MAGEB10: variants seen among roughly 807,000 people sequenced by gnomAD.
MAGEB10 encodes MAGE family member B10.
For missense variants in MAGEB10, 190 were observed against 261.9 expected (o/e 0.73, Z 1.89); for synonymous variants, 99 against 101.0 (o/e 0.98, Z 0.12).
At chrX:27,820,603 T>C (rs984465599) in intron 2 of MAGEB10, among the ~76,000 whole-genome samples, 1 of 111,066 alleles carries the variant, frequency 9.0e-6, no homozygotes, top group Non-Finnish European at 1.9e-5. Flanking sequence ...CCTGAGGGAC[T>C]GTGGGGTAGA....
chrX:27,821,874 G>A lies in MAGEB10; in HGVS notation c.568G>A (p.Ala190Thr). ...LVNKLDLGCD[A>T]KLSDETGVPK... ...CAACAAACTAGATCTAGGCTGTGAT[G>A]CAAAGCTGAGTGATGAAACAGGCGT... Residue 190 changes from alanine (A) to threonine (T), a missense_variant, in exon 3 of 3, where the codon GCA becomes ACA. By Grantham distance (58) the Ala-to-Thr change is moderately conservative. Coordinates refer to ENST00000356790, the MANE Select transcript of MAGEB10 (RefSeq NM_182506.3). 8.3e-7 allele frequency: 1 copy of A among 1,211,794 alleles called. No individual in the cohort carries two copies. The highest frequency in any genetic ancestry group is 1.1e-6 in the Non-Finnish European group (1 of 895,576).
intron 2 of MAGEB10, among the ~76,000 whole-genome samples, chrX:27,820,367 C>T (rs182192126): frequency 8.1e-5 from 9 of 111,321 alleles, no homozygotes; most frequent in Admixed American, 1.9e-4. Context: ...CTCCAAAAGA[C>T]GGGCCCCATG....
chrX:27,815,219 C>G (rs954444672), intron 1 of MAGEB10, among the ~76,000 whole-genome samples: 15 of 112,346 alleles, frequency 1.3e-4, no homozygotes, highest in South Asian at 7.4e-4. Context: ...CACCCTGCTC[C>G]CTATGGGAAA....
intron 1 of MAGEB10, chrX:27,811,754 A>T (rs1254622230): frequency 8.9e-6 from 1 of 112,397 alleles, no homozygotes; most frequent in Non-Finnish European, 1.9e-5. Flanking sequence ...TCTCAAAGAA[A>T]CCTACAGAAG....
intron 1 of MAGEB10, among the ~76,000 whole-genome samples, chrX:27,813,797 A>G (rs1050391256): frequency 8.9e-6 from 1 of 112,079 alleles, no homozygotes; most frequent in African/African-American, 3.2e-5. Flanking sequence ...ACTAATGCCT[A>G]GAATGAAGAA....
At chrX:27,814,453 C>T (rs1212264576) in intron 1 of MAGEB10, among the ~76,000 whole-genome samples, 1 of 111,455 alleles carries the variant, frequency 9.0e-6, no homozygotes, top group East Asian at 2.8e-4. Flanking sequence ...AATAAGAAAT[C>T]CTCAAATTTG....
At chrX:27,813,001 G>C (rs1043146300) in intron 1 of MAGEB10, 6 of 146,490 alleles carry the variant, frequency 4.1e-5, no homozygotes, top group East Asian at 1.9e-4. Context: ...GCTGTGTCTC[G>C]TTATAACATA....
intron 1 of MAGEB10, chrX:27,811,917 C>T (rs781178829): frequency 3.6e-4 from 52 of 144,137 alleles, no homozygotes; most frequent in African/African-American, 1.3e-3. Context: ...GCCCCGTGCC[C>T]GTGAGAAACG....
rs192018016 is a variant in MAGEB10 at position 27,809,675 on chromosome X, G to A, written c.-199+1639G>A. The stretch of plus-strand genomic sequence containing the variant: ...CGACCACCCAAGGGCTGAGGACTGC[G>A]GGCGCATGGCGCGGGACTGGCAGGC... On this transcript the variant is annotated intron_variant, in intron 1 of 2. Transcript: ENST00000356790. 9.1e-4 allele frequency among the ~76,000 whole-genome samples: 79 copies of A among 86,555 alleles called. 2 individuals carry two copies. The East Asian group carries it at 0.022, about 24-fold the overall frequency. 75.2% of individuals were successfully genotyped at this position (86,555 alleles called of 115,157 possible).
At chrX:27,812,739 A>T in intron 1 of MAGEB10, 1 of 369,916 alleles carries the variant, frequency 2.7e-6, no homozygotes, top group Non-Finnish European at 5.4e-6. Context: ...CAGCAAGATG[A>T]AAGTCCTAGA....
Position 27,821,407 on chromosome X carries a change from A to G in MAGEB10, c.101A>G (p.Glu34Gly), listed in dbSNP as rs144371104. Residue 34 changes from glutamate (E) to glycine (G), a missense_variant, in exon 3 of 3, where the codon GAG becomes GGG. Coordinates refer to ENST00000356790, the MANE Select transcript of MAGEB10 (RefSeq NM_182506.3). ...ATAGATGCTCTGGACATTTTAGAAG[A>G]GGAGGAAGAATCTCCCCCCTCTGCC... ...DLIDALDILEEEEESPPSASA... is the reference protein window; with the variant it reads ...DLIDALDILEGEEESPPSASA... 1.2e-5 allele frequency: 14 copies of G among 1,209,293 alleles called. No individual in the cohort carries two copies. The African/African-American group carries it at 2.3e-4, about 20-fold the overall frequency.
chrX:27,812,565 A>G (rs1923712683), intron 1 of MAGEB10: 1 of 173,247 alleles, frequency 5.8e-6, no homozygotes, highest in Non-Finnish European at 1.1e-5. Context: ...GGTGCTAAAT[A>G]TGATGGGGGT....
At chrX:27,817,427 G>T (rs911917146) in intron 1 of MAGEB10, 127 bp from the exon 2 acceptor site, 3 of 111,174 alleles carry the variant, frequency 2.7e-5, no homozygotes, top group Non-Finnish European at 3.8e-5. Flanking sequence ...CCTGCATGTA[G>T]TATTTTTAAA....
At chrX:27,820,403 C>T (rs1923861487) in intron 2 of MAGEB10, among the ~76,000 whole-genome samples, 1 of 110,338 alleles carries the variant, frequency 9.1e-6, no homozygotes, top group African/African-American at 3.3e-5. Flanking sequence ...CAGGACAGGG[C>T]CTGATGAAGC....
At chrX:27,815,613 G>A (rs925716138) in intron 1 of MAGEB10, among the ~76,000 whole-genome samples, 4 of 112,098 alleles carry the variant, frequency 3.6e-5, no homozygotes, top group Admixed American at 9.4e-5. Flanking sequence ...TGAAAATATC[G>A]AAGCCTCTGT....
intron 2 of MAGEB10, among the ~76,000 whole-genome samples, chrX:27,819,918 G>C (rs1232162596): frequency 9.0e-6 from 1 of 111,301 alleles, no homozygotes; most frequent in Admixed American, 9.6e-5. Flanking sequence ...TAGGAGGTAA[G>C]ATAAAGACCC....
rs748454534 is a variant in MAGEB10 at position 27,822,206 on chromosome X, C to T, written c.900C>T (p.Pro300=). 24 of 1,209,970 alleles carry T rather than the reference C, an allele frequency of 2.0e-5. No homozygotes were observed. In the East Asian group the frequency reaches 5.9e-4, roughly 30 times the overall value. The change falls in exon 3 of 3, where the codon CCC becomes CCT. Residue 300 remains proline (P), a synonymous_variant. Transcript: ENST00000356790. The stretch of plus-strand genomic sequence containing the variant: ...TGGCCAAGGTAAATGATACAGCTCC[C>T]AGTGAATTCTCAAACTGGTATACAG... The part of the protein sequence containing the change: ...EFLAKVNDTA[P]SEFSNWYTEA...
intron 1 of MAGEB10, among the ~76,000 whole-genome samples, chrX:27,815,033 CT>C (rs779917731): frequency 4.5e-5 from 5 of 111,922 alleles, no homozygotes; most frequent in Non-Finnish European, 9.4e-5. Flanking sequence ...CCATCCACCC[CT>C]AGCTCCAGGG....
In MAGEB10 at chrX:27,821,467, T is replaced by C. The variant is rs777414378; in HGVS notation, c.161T>C (p.Leu54Pro). The C allele has an allele frequency of 4.1e-5, 49 of 1,209,469 alleles. No individual in the cohort carries two copies. Among genetic ancestry groups the C allele is most frequent in the Non-Finnish European group, 5.5e-5 (49 of 895,149 alleles). Residue 54 changes from leucine (L) to proline (P), a missense_variant, in exon 3 of 3, where the codon CTT (leucine) becomes CCT (proline). Coordinates refer to ENST00000356790, the MANE Select transcript of MAGEB10 (RefSeq NM_182506.3). ...ACLKDVFQSS[L>P]DGASNNPHGL... ...TTGAAGGATGTTTTCCAGAGTTCAC[T>C]TGATGGGGCATCCAACAATCCCCAT...
Sources: gnomAD v4.1 joint callset for allele counts (sites outside exome capture counted in the v4.1 genomes callset) on GRCh38, gnomAD v4.1.1 for gene constraint, MANE v1.5 for transcripts, NCBI Gene and HGNC (gene_info 2026-07-23, HGNC 2026-07-21) for gene names.